VAV1: variants seen among roughly 807,000 people sequenced by gnomAD.
VAV1 encodes proto-oncogene vav.
In VAV1, 33 loss-of-function variants were observed where a neutral mutation model predicts 128.1. The observed-to-expected ratio is 0.26, with a 90% CI of 0.20 to 0.34. The LOEUF is 0.34. VAV1 is among the 10% of genes least tolerant of loss of function. The probability of loss-of-function intolerance (pLI) is 1.00; values close to 1 mark genes in which losing one functional copy is unlikely to be tolerated. For synonymous variants in VAV1, 394 were observed against 409.8 expected (o/e 0.96, Z 0.47); for missense variants, 715 against 1,093.7 (o/e 0.65, Z 4.88).
intron 14 of VAV1, 51 bp downstream of exon 14, chr19:6,829,969 A>AGCCC (rs1261915332): frequency 9.3e-6 from 15 of 1,610,886 alleles, no homozygotes; most frequent in Non-Finnish European, 1.3e-5. Flanking sequence ...TCGGCAGCTT[A>AGCCC]GCCCTCTCCA....
intron 1 of VAV1, among the ~76,000 whole-genome samples, chr19:6,807,665 T>C (rs1263692631): frequency 6.6e-6 from 1 of 151,896 alleles, no homozygotes; most frequent in Admixed American, 6.6e-5. Flanking sequence ...TGAGCTGTAA[T>C]CATGCCACTG....
Position 6,826,864 on chromosome 19 carries a change from A to G in VAV1, c.927+153A>G. ...TAGGGAGGGAGGTACTAGCCAGCCA[A>G]GCAGAGGAAATGGAGAAGAACAGAA... On this transcript the variant is annotated intron_variant, in intron 9 of 26. Coordinates refer to ENST00000602142, the MANE Select transcript of VAV1 (RefSeq NM_005428.4). This position sits in a 1 kb window ranked among gnomAD's most constrained non-coding sequence, Gnocchi z 4.1. The G allele has an allele frequency of 1.5e-6, 1 of 655,144 alleles. No individual in the cohort carries two copies. Among genetic ancestry groups the G allele is most frequent in the Non-Finnish European group, 2.7e-6 (1 of 372,652 alleles). 40.6% of individuals were successfully genotyped at this position (655,144 alleles called of 1,614,324 possible). A position where few individuals can be genotyped will look rare whatever the true frequency, so the allele number is the denominator to read the frequency against.
chr19:6,791,314 A>G (rs1317967141), intron 1 of VAV1, among the ~76,000 whole-genome samples: 1 of 151,782 alleles, frequency 6.6e-6, no homozygotes, highest in South Asian at 2.1e-4. Context: ...AAGGTCCTTG[A>G]GTTATTTCCT....
intron 1 of VAV1, among the ~76,000 whole-genome samples, chr19:6,808,724 C>T (rs777187926): frequency 5.9e-5 from 9 of 152,072 alleles, no homozygotes; most frequent in Non-Finnish European, 8.8e-5. Context: ...ACAAACAGTC[C>T]CCTAAAATGG....
rs566913542 is a variant in VAV1 at position 6,857,290 on chromosome 19, C to T, written c.*183C>T. The T allele has an allele frequency of 9.0e-5, 64 of 713,610 alleles. No individual in the cohort carries two copies. Among genetic ancestry groups the T allele is most frequent in the Non-Finnish European group, 1.2e-4 (54 of 444,106 alleles). 44.2% of individuals were successfully genotyped at this position (713,610 alleles called of 1,614,324 possible). A position where few individuals can be genotyped will look rare whatever the true frequency, so the allele number is the denominator to read the frequency against. ...CTGACATGGTTAATTTATAACACCC[C>T]GATTTCCTCTTGGGTCCCCTCAAGC... On this transcript the variant is annotated 3_prime_UTR_variant, in exon 27 of 27. Transcript: ENST00000602142.
Position 6,836,997 on chromosome 19 carries a change from T to C in VAV1, c.1927T>C (p.Ser643Pro), listed in dbSNP as rs372781321. The C allele has an allele frequency of 6.2e-7, 1 of 1,614,008 alleles. No homozygotes were observed. The highest frequency in any genetic ancestry group is 8.5e-7 in the Non-Finnish European group (1 of 1,180,038). ...EQNWWEGRNT[S>P]TNEIGWFPCN... ...CCTGGGTGTTTAGGGCAGAAATACA[T>C]CTACTAATGAAATTGGCTGGTTTCC... Residue 643 changes from serine to proline, a missense_variant, in exon 21 of 27, where the codon TCT becomes CCT. By Grantham distance (74) the Ser-to-Pro change is moderately conservative. Around this residue, in one of 3 missense-constraint regions of VAV1, gnomAD observed 407 missense variants for 580.6 expected, o/e 0.70. Transcript: ENST00000602142.
At chr19:6,802,886 T>C (rs1338906315) in intron 1 of VAV1, among the ~76,000 whole-genome samples, 2 of 152,190 alleles carry the variant, frequency 1.3e-5, no homozygotes, top group African/African-American at 4.8e-5. Flanking sequence ...TTATTGAGCA[T>C]CTACTATGTG....
intron 21 of VAV1, among the ~76,000 whole-genome samples, chr19:6,839,511 G>T (rs761169228): frequency 2.6e-5 from 4 of 151,942 alleles, no homozygotes; most frequent in African/African-American, 4.8e-5. Context: ...CAAATGATCT[G>T]CCTGCCTCGG....
intron 1 of VAV1, among the ~76,000 whole-genome samples, chr19:6,818,958 A>G (rs1230868493): frequency 6.6e-6 from 1 of 152,188 alleles, no homozygotes; most frequent in East Asian, 1.9e-4. Flanking sequence ...TCTACTAAAA[A>G]TACAAAAATA....
chr19:6,843,098 C>T, intron 21 of VAV1, 37 bp from the exon 22 acceptor site: 1 of 1,612,310 alleles, frequency 6.2e-7, no homozygotes, highest in Non-Finnish European at 8.5e-7. Flanking sequence ...AAGCTGGGGT[C>T]TTTACACTAA....
At chr19:6,812,058 C>G (rs763653132) in intron 1 of VAV1, among the ~76,000 whole-genome samples, 7 of 152,200 alleles carry the variant, frequency 4.6e-5, no homozygotes, top group Non-Finnish European at 8.8e-5. Flanking sequence ...TGCTCCTATT[C>G]TATTGGCCAG....
At chr19:6,776,912 C>G (rs939965423) in intron 1 of VAV1, among the ~76,000 whole-genome samples, 9 of 152,118 alleles carry the variant, frequency 5.9e-5, no homozygotes, top group African/African-American at 2.2e-4. Context: ...CACCCGCCAC[C>G]ACGCCCGGCT....
intron 1 of VAV1, among the ~76,000 whole-genome samples, chr19:6,815,015 T>C (rs1411654802): frequency 6.6e-6 from 1 of 152,124 alleles, no homozygotes; most frequent in East Asian, 1.9e-4. Context: ...ATGTGTCTTC[T>C]GTTGCAGATT....
chr19:6,786,283 G>T (rs1970891715), intron 1 of VAV1, among the ~76,000 whole-genome samples: 1 of 152,178 alleles, frequency 6.6e-6, no homozygotes, highest in East Asian at 1.9e-4. Context: ...GCTGGCAAAT[G>T]ATAACTCATG....
At chr19:6,830,760 A>G (rs967587559) in intron 14 of VAV1, among the ~76,000 whole-genome samples, 13 of 152,048 alleles carry the variant, frequency 8.5e-5, no homozygotes, top group African/African-American at 3.1e-4. Flanking sequence ...CTTGTATGGT[A>G]CTTGCGTTCT....
intron 25 of VAV1, 75 bp from the exon 26 acceptor site, chr19:6,853,872 T>G: frequency 6.4e-7 from 1 of 1,562,814 alleles, no homozygotes; most frequent in South Asian, 1.2e-5. Context: ...GTTACTGTCC[T>G]GAGAGCTTGT....
chr19:6,803,337 T>G lies in VAV1; in HGVS notation c.205-17365T>G, dbSNP rs373494091. Among the ~76,000 whole-genome samples the G allele has an allele frequency of 3.3e-5, 5 of 152,262 alleles. No individual in the cohort carries two copies. In the South Asian group the frequency reaches 8.3e-4, roughly 25 times the overall value. On this transcript the variant is annotated intron_variant, in intron 1 of 26. Transcript: ENST00000602142. Reference sequence around the variant, plus strand: ...TAGGAAAAGGGTGGTAACTTCTGGGTTGTCGGGTCATTGCCTTGGGAAAGG... The same window carrying G: ...TAGGAAAAGGGTGGTAACTTCTGGGGTGTCGGGTCATTGCCTTGGGAAAGG...
chr19:6,808,140 C>T (rs969349743), intron 1 of VAV1, among the ~76,000 whole-genome samples: 10 of 151,940 alleles, frequency 6.6e-5, no homozygotes, highest in East Asian at 1.9e-4. Flanking sequence ...TGGTGAAACC[C>T]GTCTCTACTA....
At chr19:6,773,333 G>A (rs1970544370) in intron 1 of VAV1, among the ~76,000 whole-genome samples, 1 of 152,160 alleles carries the variant, frequency 6.6e-6, no homozygotes, top group Non-Finnish European at 1.5e-5. Flanking sequence ...CCAACCAGAG[G>A]TCTCGGGGGA....
Sources: gnomAD v4.1 joint callset for allele counts (sites outside exome capture counted in the v4.1 genomes callset) on GRCh38, gnomAD v4.1.1 for gene constraint, gnomAD v4.1.1 regional missense constraint, Gnocchi (gnomAD v3.1) non-coding constraint, MANE v1.5 for transcripts, NCBI Gene and HGNC (gene_info 2026-07-23, HGNC 2026-07-21) for gene names.